RLBP1: variants seen among roughly 807,000 people sequenced by gnomAD.
The protein encoded by RLBP1 is retinaldehyde binding protein 1.
In RLBP1, 26 loss-of-function variants were observed where a neutral mutation model predicts 36.2. The ratio of observed to expected loss-of-function variants is 0.72; its 90% CI spans 0.53 to 1.00. The LOEUF is 1.00. RLBP1 is among the 50% of genes least tolerant of loss of function. The pLI is 0.00. For missense variants in RLBP1, 410 were observed against 402.4 expected, an observed-to-expected ratio of 1.02 and a Z score of -0.16; for synonymous variants, 155 against 156.2, an observed-to-expected ratio of 0.99 and a Z score of 0.06.
At position 89,218,423 on chromosome 15, in the gene RLBP1, AC is replaced by A. The variant is rs1332677557; in HGVS notation, c.141+141del. 1.0e-5 allele frequency: 13 copies of A among 1,271,520 alleles called. No individual in the cohort carries two copies. The highest frequency in any genetic ancestry group is 1.4e-5 in the Non-Finnish European group (13 of 896,804). 78.8% of individuals were successfully genotyped at this position (1,271,520 alleles called of 1,614,324 possible). A position where few individuals can be genotyped will look rare whatever the true frequency, so the allele number is the denominator to read the frequency against. ...GCCATAGCCGTGACCACCAGGAAGG[AC>A]CTTAGAACCGGCCAGTCTATCAGGT... On this transcript the variant is annotated intron_variant, in intron 4 of 8. Transcript: ENST00000268125. This position sits in a 1 kb window ranked among gnomAD's most constrained non-coding sequence, Gnocchi z 4.6.
chr15:89,215,080 G>A lies in RLBP1; in HGVS notation c.505C>T (p.Gln169Ter), dbSNP rs1185428793. ...CTAACCTCATCAAAGGTGATTTCTT[G>A]ACTTTGCCAGTTCTCAATGTTGAAG... ...MLFNIENWQS[Q>*]EITFDEILQA... Residue 169 changes from glutamine to a stop codon, truncating the protein, a stop_gained, in exon 6 of 9, where the codon CAA (glutamine) becomes TAA (stop). Transcript: ENST00000268125. LOFTEE classifies it high-confidence loss of function. 6.2e-7 allele frequency: 1 copy of A among 1,614,176 alleles called. No homozygotes were observed. The highest frequency in any genetic ancestry group is 8.5e-7 in the Non-Finnish European group (1 of 1,180,032).
chr15:89,218,748 A>AG lies in RLBP1; in HGVS notation c.13-56dup. Reference sequence around the variant, plus strand: ...CCAACCGCATCAGCCTGAGCCAGCCAGGGAAATGGGCCTGCTCAGACCTTC... The same window carrying AG: ...CCAACCGCATCAGCCTGAGCCAGCCAGGGGAAATGGGCCTGCTCAGACCTTC... On this transcript the variant is annotated intron_variant, in intron 3 of 8. Coordinates refer to ENST00000268125, the MANE Select transcript of RLBP1 (RefSeq NM_000326.5). The surrounding 1 kb of genome is among the most constrained non-coding windows in gnomAD (Gnocchi z 4.6). 1 of 1,610,652 alleles carries AG rather than the reference A, an allele frequency of 6.2e-7. No homozygotes were observed. The highest frequency in any genetic ancestry group is 8.5e-7 in the Non-Finnish European group (1 of 1,179,890).
intron 5 of RLBP1, 140 bp from the exon 6 acceptor site, chr15:89,215,378 T>A: frequency 1.4e-6 from 1 of 729,276 alleles, no homozygotes; most frequent in Non-Finnish European, 2.3e-6. Context: ...CCGAGCCCCA[T>A]GTTTCCTCTC....
chr15:89,220,855 T>C (rs978491027), intron 1 of RLBP1, among the ~76,000 whole-genome samples: 1 of 152,276 alleles, frequency 6.6e-6, no homozygotes, highest in African/African-American at 2.4e-5. Flanking sequence ...CTTTTCTAAA[T>C]ATGCCCAAGC....
chr15:89,212,608 ATGTGTGTGTGTGTGCGCG>A (rs1384951556), intron 6 of RLBP1, among the ~76,000 whole-genome samples: 1 of 131,192 alleles, frequency 7.6e-6, no homozygotes, highest in Admixed American at 8.7e-5. Context: ...AAAAAGAAAA[ATGTGTGTGTGTGTGCGCG>A]TGTGTGTGTG....
rs751152641 is a variant in RLBP1 at position 89,211,715 on chromosome 15, T to C, written c.684+28A>G. On this transcript the variant is annotated intron_variant, in intron 7 of 8. Transcript: ENST00000268125. This position sits in a 1 kb window ranked among gnomAD's most constrained non-coding sequence, Gnocchi z 5.8. ...CTCAGCCTCCCCAGCTGTGGGAGGC[T>C]GCCGTGCGACAGAACTCTAAGCCTC... 1.2e-6 allele frequency: 2 copies of C among 1,611,792 alleles called. No individual in the cohort carries two copies. The highest frequency in any genetic ancestry group is 3.3e-5 in the Admixed American group (2 of 60,000).
At chr15:89,216,230 A>C (rs955028369) in intron 5 of RLBP1, among the ~76,000 whole-genome samples, 3 of 152,138 alleles carry the variant, frequency 2.0e-5, no homozygotes, top group African/African-American at 7.2e-5. Context: ...GGAAAAGGAA[A>C]ATCATTAGCC....
At position 89,211,121 on chromosome 15, in the gene RLBP1, C is replaced by T. The variant is rs2051534643; in HGVS notation, c.685-312G>A. On this transcript the variant is annotated intron_variant, in intron 7 of 8. Coordinates refer to ENST00000268125, the MANE Select transcript of RLBP1 (RefSeq NM_000326.5). The surrounding 1 kb of genome is among the most constrained non-coding windows in gnomAD (Gnocchi z 5.8). ...TGCTTGACCTTTTGGTGAGTTTTTT[C>T]AAACCCACTTGCCTGCCGAAGGGAC... Among the ~76,000 whole-genome samples, 1 of 152,158 alleles carries T rather than the reference C, an allele frequency of 6.6e-6. No individual in the cohort carries two copies.
chr15:89,216,943 T>C (rs2051585270), intron 5 of RLBP1, among the ~76,000 whole-genome samples, 177 bp downstream of exon 5: 1 of 152,226 alleles, frequency 6.6e-6, no homozygotes, highest in Non-Finnish European at 1.5e-5. Context: ...ACTTCATTCA[T>C]TCATTCGTTC....
intron 2 of RLBP1, 53 bp from the exon 3 acceptor site, chr15:89,219,128 A>C: frequency 1.1e-6 from 1 of 873,958 alleles, no homozygotes. Context: ...GTGGATCTCA[A>C]ACTTTCAATT....
chr15:89,216,852 G>A (rs1294230533), intron 5 of RLBP1, among the ~76,000 whole-genome samples: 1 of 152,194 alleles, frequency 6.6e-6, no homozygotes, highest in East Asian at 1.9e-4. Flanking sequence ...CCCAAATGGG[G>A]TACCCAAGTT....
intron 5 of RLBP1, among the ~76,000 whole-genome samples, chr15:89,216,781 C>T (rs2051584293): frequency 6.6e-6 from 1 of 152,220 alleles, no homozygotes. Context: ...CTGCAGCATT[C>T]CAGAGCCAAA....
At chr15:89,219,993 T>C (rs1050132547) in intron 1 of RLBP1, 134 bp from the exon 2 acceptor site, 3 of 152,236 alleles carry the variant, frequency 2.0e-5, no homozygotes, top group Non-Finnish European at 4.4e-5. Flanking sequence ...AGCTCTTCTG[T>C]TTCCAGGTTT....
intron 5 of RLBP1, 44 bp downstream of exon 5, chr15:89,217,076 G>C (rs748865174): frequency 1.3e-6 from 2 of 1,594,382 alleles, no homozygotes; most frequent in Admixed American, 3.3e-5. Context: ...CATCCTCATG[G>C]CCTCCCGTCT....
At chr15:89,216,435 G>A (rs2051580790) in intron 5 of RLBP1, among the ~76,000 whole-genome samples, 1 of 152,096 alleles carries the variant, frequency 6.6e-6, no homozygotes, top group Non-Finnish European at 1.5e-5. Context: ...CGATTCTCCT[G>A]CTTCAGCCTC....
intron 5 of RLBP1, 84 bp from the exon 6 acceptor site, chr15:89,215,322 C>A: frequency 7.3e-7 from 1 of 1,363,946 alleles, no homozygotes; most frequent in South Asian, 1.2e-5. Flanking sequence ...AGAGACCTGA[C>A]CTCCTGCCAG....
In RLBP1 at chr15:89,211,437, G is replaced by T. The variant is rs571558347; in HGVS notation, c.684+306C>A. Among the ~76,000 whole-genome samples, 1 of 152,168 alleles carries T rather than the reference G, an allele frequency of 6.6e-6. No homozygotes were observed. Among genetic ancestry groups the T allele is most frequent in the Non-Finnish European group, 1.5e-5 (1 of 68,042 alleles). ...TGCAGGTTCAAGTCTGGCCTCTGCC[G>T]CTTTATTGCTGTGTGACCTCGAGAT... On this transcript the variant is annotated intron_variant, in intron 7 of 8. Transcript: ENST00000268125. This position sits in a 1 kb window ranked among gnomAD's most constrained non-coding sequence, Gnocchi z 5.8.
intron 1 of RLBP1, among the ~76,000 whole-genome samples, chr15:89,220,229 T>C (rs2051615417): frequency 6.6e-6 from 1 of 152,148 alleles, no homozygotes; most frequent in South Asian, 2.1e-4. Flanking sequence ...ATAGAAACCT[T>C]AAAGGTTAGG....
At chr15:89,216,480 G>T (rs560723808) in intron 5 of RLBP1, among the ~76,000 whole-genome samples, 5 of 152,132 alleles carry the variant, frequency 3.3e-5, no homozygotes, top group Admixed American at 6.5e-5. Flanking sequence ...GCGCCACCAC[G>T]CCCGGCTAGT....
Sources: allele counts gnomAD v4.1 joint callset (sites outside exome capture counted in the v4.1 genomes callset), GRCh38; gene constraint gnomAD v4.1.1; non-coding constraint Gnocchi (gnomAD v3.1); transcripts MANE v1.5; gene names NCBI Gene and HGNC (gene_info 2026-07-23, HGNC 2026-07-21).